Variants in ST8SIA1 observed in about 807,000 individuals in gnomAD.
ST8SIA1 encodes the protein alpha-N-acetylneuraminide alpha-2,8-sialyltransferase.
Under a neutral mutation model 35.9 loss-of-function variants are expected in ST8SIA1, and 16 were observed. The ratio of observed to expected loss-of-function variants is 0.45; its 90% confidence interval spans 0.30 to 0.68. The LOEUF is 0.68. ST8SIA1 is among the 30% of genes least tolerant of loss of function. The pLI is 0.09. For synonymous variants in ST8SIA1, 170 were observed against 169.6 expected, an observed-to-expected ratio of 1.00 and a Z score of -0.02; for missense variants, 383 against 453.6, an observed-to-expected ratio of 0.84 and a Z score of 1.41.
intron 2 of ST8SIA1, among the ~76,000 whole-genome samples, chr12:22,266,623 T>G (rs973376566): frequency 6.6e-6 from 1 of 151,924 alleles, no homozygotes; most frequent in African/African-American, 2.4e-5. Flanking sequence ...AAACTCTGTC[T>G]CTACTAAAAA....
intron 1 of ST8SIA1, among the ~76,000 whole-genome samples, chr12:22,304,334 C>CTTTTTTTTTTTT (rs3063802): frequency 4.1e-4 from 43 of 106,124 alleles, no homozygotes; most frequent in Admixed American, 8.0e-4. Flanking sequence ...TTTTCTTTTT[C>CTTTTTTTTTTTT]TTTTTTTTTT....
chr12:22,287,297 G>A lies in ST8SIA1; in HGVS notation c.237-4C>T, dbSNP rs748088668. 2.2e-5 allele frequency: 36 copies of A among 1,609,680 alleles called. No individual in the cohort carries two copies. The highest frequency in any genetic ancestry group is 1.7e-4 in the Middle Eastern group (1 of 6,036). On this transcript the variant is annotated splice_region_variant and splice_polypyrimidine_tract_variant and intron_variant, in intron 1 of 4. Transcript: ENST00000396037. ...GCAGCAGTCTTCCATTTGTTTCCTAGGAGAGAAAACAGAGAGAGAGAAAAG... is the reference window on the plus strand; with the variant it reads ...GCAGCAGTCTTCCATTTGTTTCCTAAGAGAGAAAACAGAGAGAGAGAAAAG...
chr12:22,245,229 G>C (rs1029313738), intron 4 of ST8SIA1, among the ~76,000 whole-genome samples: 2 of 152,116 alleles, frequency 1.3e-5, no homozygotes, highest in Non-Finnish European at 2.9e-5. Context: ...GGTAGACCTG[G>C]TGCCTTTAAA....
At chr12:22,281,819 CAA>C (rs11423875) in intron 2 of ST8SIA1, among the ~76,000 whole-genome samples, 4 of 102,956 alleles carry the variant, frequency 3.9e-5, no homozygotes, top group Non-Finnish European at 5.9e-5. Context: ...CTTGTCTCTA[CAA>C]AAAAAAAAAA....
At chr12:22,316,695 T>C (rs891148672) in intron 1 of ST8SIA1, among the ~76,000 whole-genome samples, 3 of 151,992 alleles carry the variant, frequency 2.0e-5, no homozygotes, top group Non-Finnish European at 2.9e-5. Context: ...GAGAAAAATA[T>C]TTGCAACAGA....
chr12:22,214,869 A>C (rs2120645805), intron 4 of ST8SIA1, among the ~76,000 whole-genome samples: 1 of 152,330 alleles, frequency 6.6e-6, no homozygotes, highest in East Asian at 1.9e-4. Flanking sequence ...GCTGTTGAGA[A>C]AATTAAGGAT....
Position 22,194,416 on chromosome 12 carries a change from A to C in ST8SIA1, c.*7136T>G, listed in dbSNP as rs1864958945. ...AAACTATTGTGCATTTCTATAAAATAGTCACATTTGCTACATTTATAGGAC... is the reference window on the plus strand; with the variant it reads ...AAACTATTGTGCATTTCTATAAAATCGTCACATTTGCTACATTTATAGGAC... On this transcript the variant is annotated 3_prime_UTR_variant, in exon 5 of 5. Transcript: ENST00000396037. The C allele has an allele frequency of 6.6e-6, 1 of 152,240 alleles. No homozygotes were observed. The allele number at this position is 152,240 out of a possible 1,614,324, so 9.4% of individuals were successfully genotyped here.
chr12:22,283,093 C>T (rs1357752512), intron 2 of ST8SIA1, among the ~76,000 whole-genome samples: 1 of 152,106 alleles, frequency 6.6e-6, no homozygotes, highest in Non-Finnish European at 1.5e-5. Context: ...CAGGTCCAGG[C>T]TCAGTGGAAC....
intron 1 of ST8SIA1, among the ~76,000 whole-genome samples, chr12:22,313,938 T>C (rs1411667410): frequency 1.3e-5 from 2 of 152,142 alleles, no homozygotes; most frequent in African/African-American, 2.4e-5. Context: ...ATATTTTGGT[T>C]GCATTTGTTC....
rs546565809 is a variant in ST8SIA1, at chr12:22,319,167, A to G, written c.236+14830T>C. 1.4e-4 allele frequency among the ~76,000 whole-genome samples: 22 copies of G among 152,346 alleles called. No homozygotes were observed. In the South Asian group the frequency reaches 4.1e-3, roughly 29 times the overall value. On this transcript the variant is annotated intron_variant, in intron 1 of 4. Coordinates refer to ENST00000396037, the MANE Select transcript of ST8SIA1 (RefSeq NM_003034.4). ...TTGCATTTGCGAATGTTAAATGATA[A>G]GACTGTGTAGAGTGCTGAAAATAGT...
chr12:22,223,557 CAG>C (rs1264141502), intron 4 of ST8SIA1: 2 of 1,050,156 alleles, frequency 1.9e-6, no homozygotes, highest in Non-Finnish European at 2.3e-6. Flanking sequence ...AATGAGGAGA[CAG>C]GGGCCCATTT....
intron 2 of ST8SIA1, among the ~76,000 whole-genome samples, chr12:22,275,714 G>A (rs1173674229): frequency 6.6e-6 from 1 of 152,202 alleles, no homozygotes; most frequent in Non-Finnish European, 1.5e-5. Flanking sequence ...GGATGAACCT[G>A]CTCAAGATTG....
chr12:22,315,847 T>G (rs1866511938), intron 1 of ST8SIA1, among the ~76,000 whole-genome samples: 1 of 151,614 alleles, frequency 6.6e-6, no homozygotes, highest in African/African-American at 2.4e-5. Context: ...GAGTCAAAAG[T>G]CCATCGGGAT....
At position 22,222,089 on chromosome 12, in the gene ST8SIA1, A is replaced by C. The variant is rs868477995; in HGVS notation, c.585-20051T>G. Among the ~76,000 whole-genome samples the C allele has an allele frequency of 9.0e-4, 137 of 152,170 alleles. 1 individual carries two copies. Among genetic ancestry groups the C allele is most frequent in the African/African-American group, 3.0e-3 (125 of 41,428 alleles). The stretch of plus-strand genomic sequence containing the variant: ...ACCAAATATATTTATATTAAGAATA[A>C]ATTTCAAAAAAAAAGTTTATTAACA... On this transcript the variant is annotated intron_variant, in intron 4 of 4. Transcript: ENST00000396037.
chr12:22,334,087 T>C lies in ST8SIA1; in HGVS notation c.146A>G (p.Tyr49Cys). The change falls in exon 1 of 5, where the codon TAC becomes TGC. Residue 49 changes from tyrosine to cysteine, a missense_variant. Transcript: ENST00000396037. The part of the protein sequence containing the change: ...VLCWLYIFPV[Y>C]RLPNEKEIVQ... ...GATCTCTTTCTCGTTGGGCAGCCGG[T>C]AGACGGGGAAGATGTAGAGCCAACA... is the stretch of plus-strand genomic sequence containing the variant. The C allele has an allele frequency of 6.2e-7, 1 of 1,614,094 alleles. No individual in the cohort carries two copies. Among genetic ancestry groups the C allele is most frequent in the Non-Finnish European group, 8.5e-7 (1 of 1,180,012 alleles).
intron 4 of ST8SIA1, among the ~76,000 whole-genome samples, chr12:22,233,611 G>A (rs564035939): frequency 4.0e-5 from 6 of 151,440 alleles, no homozygotes; most frequent in Non-Finnish European, 5.9e-5. Context: ...GGTAAGCTGC[G>A]ATGCCAACCA....
chr12:22,238,242 AAT>A (rs1451977919), intron 4 of ST8SIA1, among the ~76,000 whole-genome samples: 1 of 152,208 alleles, frequency 6.6e-6, no homozygotes, highest in Admixed American at 6.5e-5. Flanking sequence ...TGCTTCAAGC[AAT>A]AGAGTATGAT....
intron 1 of ST8SIA1, among the ~76,000 whole-genome samples, chr12:22,324,166 G>A (rs1278680345): frequency 6.6e-6 from 1 of 152,154 alleles, no homozygotes; most frequent in African/African-American, 2.4e-5. Context: ...TCATATGACA[G>A]AAAATTATGC....
At chr12:22,304,328 CTTTTTCTTT>C (rs1212502115) in intron 1 of ST8SIA1, among the ~76,000 whole-genome samples, 37 of 103,904 alleles carry the variant, frequency 3.6e-4, no homozygotes, top group African/African-American at 1.2e-3. Flanking sequence ...TTGTCTTTTT[CTTTTTCTTT>C]TTTTTTTTTT....
Sources: gnomAD v4.1 joint callset for allele counts (sites outside exome capture counted in the v4.1 genomes callset) on GRCh38, gnomAD v4.1.1 for gene constraint, MANE v1.5 for transcripts, NCBI Gene and HGNC (gene_info 2026-07-23, HGNC 2026-07-21) for gene names.